DOCK1: variants seen among roughly 807,000 people sequenced by gnomAD.
DOCK1 encodes dedicator of cytokinesis 1.
Under a neutral mutation model 262.7 loss-of-function variants are expected in DOCK1, and 138 were observed. The observed-to-expected ratio is 0.53, with a 90% confidence interval of 0.46 to 0.61. The LOEUF is 0.61. Among genes scored for constraint, DOCK1 ranks in the 20% least tolerant of loss-of-function variants. The probability of loss-of-function intolerance (pLI) is 0.00; values close to 1 mark genes in which losing one functional copy is unlikely to be tolerated. For synonymous variants in DOCK1, 866 were observed against 867.4 expected (o/e 1.00, Z 0.03); for missense variants, 1,908 against 2,370.7 (o/e 0.80, Z 4.05).
chr10:127,212,832 G>A (rs1025255290), intron 27 of DOCK1, among the ~76,000 whole-genome samples: 5 of 150,572 alleles, frequency 3.3e-5, no homozygotes, highest in African/African-American at 9.7e-5. Context: ...AAAAAGGATG[G>A]AGAATCTCAT....
intron 27 of DOCK1, among the ~76,000 whole-genome samples, chr10:127,209,699 A>T (rs973655251): frequency 6.6e-6 from 1 of 152,240 alleles, no homozygotes; most frequent in Non-Finnish European, 1.5e-5. Context: ...AATGATTCAC[A>T]TCAGTAGGTG....
chr10:127,334,931 A>T (rs1005733894), intron 29 of DOCK1, among the ~76,000 whole-genome samples: 1 of 152,146 alleles, frequency 6.6e-6, no homozygotes, highest in Non-Finnish European at 1.5e-5. Flanking sequence ...AAGAGAGCTG[A>T]ATCCCACCGC....
At chr10:127,119,729 T>A (rs884447) in intron 25 of DOCK1, among the ~76,000 whole-genome samples, 1 of 152,174 alleles carries the variant, frequency 6.6e-6, no homozygotes, top group African/African-American at 2.4e-5. Context: ...ATCATTTATT[T>A]AATGTGACCA....
intron 22 of DOCK1, 50 bp from the exon 23 acceptor site, chr10:127,061,618 A>C: frequency 6.7e-7 from 1 of 1,491,380 alleles, no homozygotes; most frequent in Non-Finnish European, 9.2e-7. Context: ...GATTCAAAAA[A>C]TGTTGAGGTG....
At chr10:127,217,903 A>G (rs1197612346) in intron 27 of DOCK1, among the ~76,000 whole-genome samples, 1 of 152,104 alleles carries the variant, frequency 6.6e-6, no homozygotes, top group Non-Finnish European at 1.5e-5. Flanking sequence ...ATTTTTATGC[A>G]TATGTTAAGC....
chr10:127,132,269 G>A (rs770475405), intron 27 of DOCK1, among the ~76,000 whole-genome samples: 1 of 152,146 alleles, frequency 6.6e-6, no homozygotes, highest in Non-Finnish European at 1.5e-5. Flanking sequence ...AATGCGTCTC[G>A]TGCCTAGGAT....
At chr10:126,996,957 A>G in intron 7 of DOCK1, 74 bp downstream of exon 7, 1 of 1,449,846 alleles carries the variant, frequency 6.9e-7, no homozygotes. Context: ...AGTATCAGTC[A>G]AGCCCAAAAT....
chr10:126,939,061 G>T (rs1462548349), intron 1 of DOCK1, among the ~76,000 whole-genome samples: 6 of 146,168 alleles, frequency 4.1e-5, no homozygotes, highest in East Asian at 2.1e-4. Context: ...GAACACCGGG[G>T]GGGGGACGAA....
intron 22 of DOCK1, among the ~76,000 whole-genome samples, chr10:127,056,625 C>CCCTT (rs901101387): frequency 7.9e-5 from 12 of 152,120 alleles, no homozygotes; most frequent in Middle Eastern, 3.4e-3. Context: ...TCTCTTTTGT[C>CCCTT]CCTTCCTTCC....
intron 21 of DOCK1, among the ~76,000 whole-genome samples, chr10:127,051,907 A>G (rs1272090876): frequency 2.6e-5 from 4 of 152,138 alleles, no homozygotes; most frequent in Middle Eastern, 3.2e-3. Context: ...TTAAAGTGCA[A>G]TGTTGAGAAA....
intron 38 of DOCK1, among the ~76,000 whole-genome samples, chr10:127,396,760 A>AAT (rs1362570863): frequency 6.7e-6 from 1 of 148,226 alleles, no homozygotes; most frequent in African/African-American, 2.4e-5. Flanking sequence ...GTTACAAAAA[A>AAT]AAAAAAAAAA....
chr10:127,273,199 A>T (rs1001532091), intron 29 of DOCK1, among the ~76,000 whole-genome samples: 1 of 152,252 alleles, frequency 6.6e-6, no homozygotes, highest in Non-Finnish European at 1.5e-5. Flanking sequence ...TGAATTCTGC[A>T]ACTGAGATGC....
Position 127,365,042 on chromosome 10 carries a change from A to G in DOCK1, c.3432+2830A>G, listed in dbSNP as rs1020265909. Reference sequence around the variant, plus strand: ...ATACAACATTGTAAATATTATACCTAGATTTTTTTTATTAATGTTCTTTCT... The same window carrying G: ...ATACAACATTGTAAATATTATACCTGGATTTTTTTTATTAATGTTCTTTCT... On this transcript the variant is annotated intron_variant, in intron 33 of 51. Coordinates refer to ENST00000623213, the MANE Select transcript of DOCK1 (RefSeq NM_001290223.2). Among the ~76,000 whole-genome samples, 5 of 136,474 alleles carry G rather than the reference A, an allele frequency of 3.7e-5. No homozygotes were observed. In the Admixed American group the frequency reaches 3.9e-4, roughly 11 times the overall value. The allele number at this position is 136,474 out of a possible 152,430, so 89.5% of individuals were successfully genotyped here.
chr10:127,045,200 T>TAAAAA lies in DOCK1; in HGVS notation c.2201+2057_2201+2061dup, dbSNP rs71032534. 7.1e-4 allele frequency among the ~76,000 whole-genome samples: 58 copies of TAAAAA among 81,648 alleles called. 1 individual carries two copies. Among genetic ancestry groups the TAAAAA allele is most frequent in the South Asian group, 1.2e-3 (2 of 1,734 alleles). 53.6% of individuals were successfully genotyped at this position (81,648 alleles called of 152,430 possible). A position where few individuals can be genotyped will look rare whatever the true frequency, so the allele number is the denominator to read the frequency against. ...GCTACAGATCAAGACTCTGTCTCAA[T>TAAAAA]AAAAAAAAAAAAAAAAAAAAAAAAA... is the stretch of plus-strand genomic sequence containing the variant. On this transcript the variant is annotated intron_variant, in intron 21 of 51. Coordinates refer to ENST00000623213, the MANE Select transcript of DOCK1 (RefSeq NM_001290223.2).
intron 43 of DOCK1, among the ~76,000 whole-genome samples, chr10:127,413,935 A>G (rs2068007202): frequency 6.7e-6 from 1 of 149,894 alleles, no homozygotes. Flanking sequence ...TTTTTGAGAG[A>G]GAGTCTTGCT....
intron 1 of DOCK1, among the ~76,000 whole-genome samples, chr10:126,914,663 G>A (rs910749275): frequency 6.6e-6 from 1 of 152,304 alleles, no homozygotes; most frequent in East Asian, 1.9e-4. Flanking sequence ...ACCACACCCA[G>A]GGGAGTGATT....
At chr10:127,238,276 A>G (rs1373604477) in intron 27 of DOCK1, among the ~76,000 whole-genome samples, 4 of 152,168 alleles carry the variant, frequency 2.6e-5, no homozygotes, top group Non-Finnish European at 5.9e-5. Context: ...TTTGGCAAAA[A>G]AAGTAACTAC....
chr10:127,270,985 TTA>T (rs2060542876), intron 29 of DOCK1, among the ~76,000 whole-genome samples: 10 of 81,502 alleles, frequency 1.2e-4, no homozygotes, highest in South Asian at 5.5e-4. Context: ...TTAACAAAAG[TTA>T]TATATGTGTG....
chr10:127,052,718 G>T lies in DOCK1; in HGVS notation c.2239G>T (p.Ala747Ser). The change falls in exon 22 of 52, where the codon GCT (alanine) becomes TCT (serine). Residue 747 changes from alanine to serine, a missense_variant. By Grantham distance (99) the Ala-to-Ser change is moderately conservative (BLOSUM62 1). Transcript: ENST00000623213. ...AGTGTTGAAGAACTACGTGGACGGT[G>T]CTGAGAAGCCGGGAGTAAATGAGCA... ...TKVLKNYVDG[A>S]EKPGVNEQLY... 6.2e-7 allele frequency: 1 copy of T among 1,613,978 alleles called. No individual in the cohort carries two copies. The highest frequency in any genetic ancestry group is 1.1e-5 in the South Asian group (1 of 91,084).
Sources: gnomAD v4.1 joint callset for allele counts (sites outside exome capture counted in the v4.1 genomes callset) on GRCh38, gnomAD v4.1.1 for gene constraint, MANE v1.5 for transcripts, NCBI Gene and HGNC (gene_info 2026-07-23, HGNC 2026-07-21) for gene names.